ATP8A2: variants seen among roughly 807,000 people sequenced by gnomAD.
ATP8A2 encodes the protein phospholipid-transporting ATPase IB.
A neutral mutation model predicts 165.6 loss-of-function variants in ATP8A2; 100 were observed. The ratio of observed to expected loss-of-function variants is 0.60; its 90% CI spans 0.51 to 0.71. The LOEUF is 0.71. Ranked by LOEUF, ATP8A2 falls within the 30% of genes least tolerant of loss-of-function variation. ATP8A2 has a pLI of 0.00. For missense variants in ATP8A2, 1,227 were observed against 1,479.5 expected, an observed-to-expected ratio of 0.83 and a Z score of 2.80; for synonymous variants, 543 against 548.8, an observed-to-expected ratio of 0.99 and a Z score of 0.15.
intron 15 of ATP8A2, among the ~76,000 whole-genome samples, chr13:25,560,389 T>C (rs2039106375): frequency 6.6e-6 from 1 of 152,094 alleles, no homozygotes; most frequent in African/African-American, 2.4e-5. Flanking sequence ...AAATAATGTT[T>C]ATATTAGTTT....
At chr13:25,806,969 A>G (rs1950754181) in intron 27 of ATP8A2, among the ~76,000 whole-genome samples, 1 of 152,086 alleles carries the variant, frequency 6.6e-6, no homozygotes, top group Non-Finnish European at 1.5e-5. Context: ...AGCCGTTTAT[A>G]TATCATCTTT....
chr13:25,910,135 T>C (rs1016045402), intron 33 of ATP8A2, among the ~76,000 whole-genome samples: 2 of 152,234 alleles, frequency 1.3e-5, no homozygotes, highest in Non-Finnish European at 2.9e-5. Flanking sequence ...TTGATTAATT[T>C]TGAAATGTGC....
rs550376907 is a variant in ATP8A2, at chr13:25,728,178, A to G, written c.2384+28833A>G. 1.5e-3 allele frequency among the ~76,000 whole-genome samples: 232 copies of G among 152,342 alleles called. 1 individual carries two copies. The highest frequency in any genetic ancestry group is 5.2e-3 in the African/African-American group (216 of 41,586). ...GTAAAAACTTGGAATAAATGTAACA[A>G]TATCTAAATTCCTGGTGTGAATGAA... is the stretch of plus-strand genomic sequence containing the variant. On this transcript the variant is annotated intron_variant, in intron 25 of 36. Transcript: ENST00000381655.
intron 24 of ATP8A2, among the ~76,000 whole-genome samples, chr13:25,685,965 G>A (rs1193107398): frequency 6.6e-6 from 1 of 152,162 alleles, no homozygotes; most frequent in Non-Finnish European, 1.5e-5. Flanking sequence ...GCATTTCAGA[G>A]GCACAGGTGG....
At chr13:25,848,085 GTC>G (rs944998191) in intron 30 of ATP8A2, among the ~76,000 whole-genome samples, 15 of 152,222 alleles carry the variant, frequency 9.9e-5, no homozygotes, top group African/African-American at 3.4e-4. Context: ...CATGCTCAGC[GTC>G]TCTCCAACCT....
chr13:25,790,783 T>C (rs923020960), intron 27 of ATP8A2, among the ~76,000 whole-genome samples: 5 of 150,700 alleles, frequency 3.3e-5, no homozygotes, highest in Non-Finnish European at 5.9e-5. Flanking sequence ...AAAATAAAGC[T>C]CAACATCACA....
At chr13:25,772,077 T>G (rs973337513) in intron 26 of ATP8A2, among the ~76,000 whole-genome samples, 2 of 152,182 alleles carry the variant, frequency 1.3e-5, no homozygotes, top group Admixed American at 1.3e-4. Flanking sequence ...CCTGCCTACC[T>G]TGTGCTTTTA....
At chr13:25,888,070 C>T (rs1194856380) in intron 33 of ATP8A2, among the ~76,000 whole-genome samples, 2 of 113,510 alleles carry the variant, frequency 1.8e-5, no homozygotes, top group Non-Finnish European at 3.4e-5. Context: ...GAACCCAGAC[C>T]CCCCCCCCGC....
chr13:25,843,390 C>T (rs780840424), intron 30 of ATP8A2, among the ~76,000 whole-genome samples: 1 of 152,138 alleles, frequency 6.6e-6, no homozygotes, highest in Non-Finnish European at 1.5e-5. Context: ...ATGCCCCCCC[C>T]GCCCAATTCA....
chr13:25,589,898 T>C (rs541434479), intron 24 of ATP8A2, among the ~76,000 whole-genome samples, 199 bp downstream of exon 24: 1 of 152,350 alleles, frequency 6.6e-6, no homozygotes, highest in Non-Finnish European at 1.5e-5. Flanking sequence ...AAGCTTAGAA[T>C]ATTGCCTCAT....
In ATP8A2 at chr13:25,499,187, T is replaced by C. The variant is rs140479195; in HGVS notation, c.221+30066T>C. On this transcript the variant is annotated intron_variant, in intron 2 of 36. Transcript: ENST00000381655. ...AACTATGGGCCCAGACCCTAGTGTA[T>C]AGTAACCCTCACTAAATTGAGTGCA... Among the ~76,000 whole-genome samples the C allele has an allele frequency of 5.3e-5, 8 of 152,292 alleles. No individual in the cohort carries two copies. The East Asian group carries it at 1.5e-3, about 29-fold the overall frequency.
At chr13:25,624,678 T>C (rs1250805465) in intron 24 of ATP8A2, among the ~76,000 whole-genome samples, 1 of 152,172 alleles carries the variant, frequency 6.6e-6, no homozygotes, top group Non-Finnish European at 1.5e-5. Flanking sequence ...ATCAAGTTAG[T>C]GATTTGCTAT....
intron 25 of ATP8A2, among the ~76,000 whole-genome samples, chr13:25,726,115 T>C (rs1186110463): frequency 1.3e-5 from 2 of 152,232 alleles, no homozygotes; most frequent in Non-Finnish European, 2.9e-5. Flanking sequence ...GTGTTTATTA[T>C]TTAAAGAAAT....
chr13:25,589,033 A>T (rs917912911), intron 23 of ATP8A2, among the ~76,000 whole-genome samples: 3 of 152,170 alleles, frequency 2.0e-5, no homozygotes, highest in African/African-American at 7.2e-5. Flanking sequence ...CGCTTAACCC[A>T]TAGAGATAAC....
intron 27 of ATP8A2, among the ~76,000 whole-genome samples, chr13:25,790,693 CA>C (rs113185440): frequency 0.059 from 5,437 of 92,516 alleles, 118 homozygotes; most frequent in African/African-American, 0.11. Context: ...GACCTTGTCT[CA>C]AAAAAAAAAA....
At chr13:25,574,659 A>G (rs1022499024) in intron 18 of ATP8A2, 149 bp from the exon 19 acceptor site, 1 of 647,714 alleles carries the variant, frequency 1.5e-6, no homozygotes, top group Admixed American at 2.9e-5. Context: ...ACCCCACCAG[A>G]CTTGTGAGAA....
chr13:25,502,050 T>A (rs1341238424), intron 2 of ATP8A2, among the ~76,000 whole-genome samples: 1 of 152,206 alleles, frequency 6.6e-6, no homozygotes, highest in Admixed American at 6.5e-5. Context: ...CAAGTTCAGA[T>A]CCCATACCGT....
intron 33 of ATP8A2, among the ~76,000 whole-genome samples, chr13:25,925,535 CAAAAAAAAA>C (rs200471026): frequency 8.2e-6 from 1 of 122,090 alleles, no homozygotes; most frequent in Non-Finnish European, 1.7e-5. Context: ...GTCTCTGTCT[CAAAAAAAAA>C]AAAAACAAAA....
intron 2 of ATP8A2, among the ~76,000 whole-genome samples, chr13:25,475,021 T>C (rs2035954020): frequency 1.3e-5 from 2 of 152,082 alleles, no homozygotes; most frequent in South Asian, 2.1e-4. Context: ...AGTTTCACCA[T>C]GTTTGTCAGG....
Sources: gnomAD v4.1 joint callset for allele counts (sites outside exome capture counted in the v4.1 genomes callset) on GRCh38, gnomAD v4.1.1 for gene constraint, MANE v1.5 for transcripts, NCBI Gene and HGNC (gene_info 2026-07-23, HGNC 2026-07-21) for gene names.